The following PARD3B variants were observed in gnomAD, a reference collection of about 807,000 sequenced individuals.
PARD3B encodes the protein par-3 family cell polarity regulator beta.
Under a neutral mutation model 130.2 loss-of-function variants are expected in PARD3B, and 103 were observed. The observed-to-expected ratio is 0.79, with a 90% CI of 0.67 to 0.93. The LOEUF is 0.93. Ranked by LOEUF, PARD3B falls within the 40% of genes least tolerant of loss-of-function variation. PARD3B has a pLI of 0.00. For synonymous variants in PARD3B, 583 were observed against 553.2 expected, an observed-to-expected ratio of 1.05 and a Z score of -0.76; for missense variants, 1,609 against 1,499.2, an observed-to-expected ratio of 1.07 and a Z score of -1.21.
chr2:204,648,621 ATAATT>A (rs1179957051), intron 1 of PARD3B, among the ~76,000 whole-genome samples: 11 of 123,744 alleles, frequency 8.9e-5, no homozygotes, highest in Non-Finnish European at 3.2e-5. Context: ...TATATATACT[ATAATT>A]TATATATAAT....
rs887445979 is a variant in PARD3B at position 205,036,389 on chromosome 2, TA to T, written c.395-11186del. 2.4e-3 allele frequency among the ~76,000 whole-genome samples: 348 copies of T among 145,496 alleles called. 4 individuals carry two copies. The highest frequency in any genetic ancestry group is 7.7e-3 in the African/African-American group (308 of 40,044). On this transcript the variant is annotated intron_variant, in intron 3 of 22. Transcript: ENST00000406610. ...TATAAAATATATATAGCAGACTATA[TA>T]AAAAATATACGTATATAGCAGACTA...
intron 18 of PARD3B, among the ~76,000 whole-genome samples, chr2:205,307,683 T>C (rs1401017670): frequency 6.6e-6 from 1 of 152,230 alleles, no homozygotes; most frequent in Non-Finnish European, 1.5e-5. Flanking sequence ...AAGAAAATTT[T>C]ACCTTGTCTA....
intron 22 of PARD3B, among the ~76,000 whole-genome samples, chr2:205,607,201 T>G (rs2055032448): frequency 6.6e-6 from 1 of 152,104 alleles, no homozygotes. Context: ...ATCAGCAGTT[T>G]CAGCTTCTTG....
intron 10 of PARD3B, among the ~76,000 whole-genome samples, chr2:205,148,073 T>C (rs2033493346): frequency 6.6e-6 from 1 of 152,086 alleles, no homozygotes; most frequent in Non-Finnish European, 1.5e-5. Flanking sequence ...ATATTGTCTG[T>C]ATTCTAATGT....
Position 205,146,402 on chromosome 2 carries a change from C to A in PARD3B, c.1435-12320C>A, listed in dbSNP as rs977050128. On this transcript the variant is annotated intron_variant, in intron 10 of 22. Coordinates refer to ENST00000406610, the MANE Select transcript of PARD3B (RefSeq NM_001302769.2). This position sits in a 1 kb window ranked among gnomAD's most constrained non-coding sequence, Gnocchi z 4.3. The stretch of plus-strand genomic sequence containing the variant: ...CGGTGGCTCACCCCTGTAATCCCAG[C>A]ATTTTGGGAGGCCGAGGTGGGCGGA... Among the ~76,000 whole-genome samples, 2 of 152,090 alleles carry A rather than the reference C, an allele frequency of 1.3e-5. No homozygotes were observed. Among genetic ancestry groups the A allele is most frequent in the Non-Finnish European group, 2.9e-5 (2 of 68,020 alleles).
intron 5 of PARD3B, among the ~76,000 whole-genome samples, chr2:205,108,026 C>T (rs767399567): frequency 2.6e-5 from 4 of 152,116 alleles, no homozygotes; most frequent in South Asian, 2.1e-4. Flanking sequence ...ATTCTTAAAA[C>T]GCCAGCGCAT....
chr2:204,847,188 A>C (rs1219336607), intron 2 of PARD3B, among the ~76,000 whole-genome samples: 1 of 95,756 alleles, frequency 1.0e-5, no homozygotes, highest in African/African-American at 3.3e-5. Context: ...TTTTTTTGCT[A>C]AGCATTGTTT....
chr2:204,764,715 C>CGTGT (rs10522212), intron 2 of PARD3B, among the ~76,000 whole-genome samples: 5,557 of 145,706 alleles, frequency 0.038, 161 homozygotes, highest in East Asian at 0.16. Flanking sequence ...GGCATGCATG[C>CGTGT]GTGTGTGTGT....
chr2:205,381,073 A>ATAAAGAATATATAT (rs2045408335), intron 18 of PARD3B, among the ~76,000 whole-genome samples: 1 of 43,342 alleles, frequency 2.3e-5, no homozygotes, highest in African/African-American at 1.1e-4. Flanking sequence ...TATATATTAT[A>ATAAAGAATATATAT]TATATTATAT....
At chr2:204,648,655 A>T (rs2035364755) in intron 1 of PARD3B, among the ~76,000 whole-genome samples, 1 of 114,466 alleles carries the variant, frequency 8.7e-6, no homozygotes, top group Non-Finnish European at 1.7e-5. Context: ...TATATATAAT[A>T]TATTTATAAT....
intron 21 of PARD3B, among the ~76,000 whole-genome samples, chr2:205,503,356 A>T (rs544629306): frequency 6.6e-6 from 1 of 151,250 alleles, no homozygotes; most frequent in East Asian, 1.9e-4. Flanking sequence ...CTATAGAGAC[A>T]TTTTGGGAGT....
At position 204,558,774 on chromosome 2, in the gene PARD3B, C is replaced by T. The variant is rs554703177; in HGVS notation, c.120+12655C>T. Among the ~76,000 whole-genome samples the T allele has an allele frequency of 5.3e-5, 8 of 152,266 alleles. No individual in the cohort carries two copies. In the East Asian group the frequency reaches 1.5e-3, roughly 29 times the overall value. On this transcript the variant is annotated intron_variant, in intron 1 of 22. Coordinates refer to ENST00000406610, the MANE Select transcript of PARD3B (RefSeq NM_001302769.2). ...AAAGAACAAAGCTGGAGGCATCATGCTACCTGACTTCAAACTATACTACAA... is the reference window on the plus strand; with the variant it reads ...AAAGAACAAAGCTGGAGGCATCATGTTACCTGACTTCAAACTATACTACAA...
rs2036185298 is a variant in PARD3B, at chr2:205,187,868, C to T, written c.2024+2005C>T. ...TCTCTTAATCATCAACGGTAATCTCCTTTCAGTCAAAAGTATGACGTTGTC... is the reference window on the plus strand; with the variant it reads ...TCTCTTAATCATCAACGGTAATCTCTTTTCAGTCAAAAGTATGACGTTGTC... On this transcript the variant is annotated intron_variant, in intron 14 of 22. Transcript: ENST00000406610. The surrounding 1 kb of genome is among the most constrained non-coding windows in gnomAD (Gnocchi z 4.9). Among the ~76,000 whole-genome samples the T allele has an allele frequency of 6.6e-6, 1 of 152,178 alleles. No homozygotes were observed. Among genetic ancestry groups the T allele is most frequent in the African/African-American group, 2.4e-5 (1 of 41,436 alleles).
chr2:204,554,302 C>T (rs1031011574), intron 1 of PARD3B, among the ~76,000 whole-genome samples: 2 of 152,114 alleles, frequency 1.3e-5, no homozygotes, highest in African/African-American at 2.4e-5. Context: ...GCTCTATATA[C>T]GGCTTTCTTG....
At chr2:205,106,893 G>A (rs2125582480) in intron 5 of PARD3B, among the ~76,000 whole-genome samples, 1 of 152,242 alleles carries the variant, frequency 6.6e-6, no homozygotes, top group East Asian at 1.9e-4. Flanking sequence ...AAGCTTGGAG[G>A]TTACAGTTCT....
chr2:204,748,579 T>C (rs1369091556), intron 2 of PARD3B, among the ~76,000 whole-genome samples: 1 of 152,136 alleles, frequency 6.6e-6, no homozygotes, highest in Non-Finnish European at 1.5e-5. Context: ...AGGGCAGTGG[T>C]TGTACAAAGT....
rs957871496 is a variant in PARD3B, at chr2:205,253,177, A to G, written c.2185+7355A>G. 1.3e-5 allele frequency: 5 copies of G among 387,264 alleles called. No homozygotes were observed. Among genetic ancestry groups the G allele is most frequent in the Non-Finnish European group, 2.6e-5 (5 of 194,406 alleles). The allele number at this position is 387,264 out of a possible 1,614,324, so 24.0% of individuals were successfully genotyped here. A position where few individuals can be genotyped will look rare whatever the true frequency, so the allele number is the denominator to read the frequency against. ...TGGGTTTAGCTCCAACTTACAGGTT[A>G]GGACCAGCTTTTCTGCAGGTGTTGA... On this transcript the variant is annotated intron_variant, in intron 16 of 22. Transcript: ENST00000406610. This position sits in a 1 kb window ranked among gnomAD's most constrained non-coding sequence, Gnocchi z 4.4.
chr2:205,574,288 C>T (rs17639204), intron 22 of PARD3B, among the ~76,000 whole-genome samples: 2,290 of 152,194 alleles, frequency 0.015, 38 homozygotes, highest in East Asian at 0.021. Context: ...AGGCAGACAA[C>T]GAACAAGACA....
chr2:204,604,864 C>T (rs927817568), intron 1 of PARD3B, among the ~76,000 whole-genome samples: 2 of 152,088 alleles, frequency 1.3e-5, no homozygotes, highest in Admixed American at 6.6e-5. Context: ...GGGTATTCTT[C>T]TGTTCCACAC....
Sources: allele counts gnomAD v4.1 joint callset (sites outside exome capture counted in the v4.1 genomes callset), GRCh38; gene constraint gnomAD v4.1.1; non-coding constraint Gnocchi (gnomAD v3.1); transcripts MANE v1.5; gene names NCBI Gene and HGNC (gene_info 2026-07-23, HGNC 2026-07-21).